Variants in OAS1 observed in about 807,000 individuals in gnomAD.
The protein encoded by OAS1 is 2'-5'-oligoadenylate synthetase 1.
Under a neutral mutation model 38.5 loss-of-function variants are expected in OAS1, and 24 were observed. The observed-to-expected ratio is 0.62, with a 90% CI of 0.45 to 0.88. OAS1 has a LOEUF of 0.88. OAS1 is among the 40% of genes least tolerant of loss of function. The pLI is 0.00. For synonymous variants in OAS1, 169 were observed against 193.9 expected, an observed-to-expected ratio of 0.87 and a Z score of 1.07; for missense variants, 482 against 493.9, an observed-to-expected ratio of 0.98 and a Z score of 0.23.
chr12:112,920,261 A>G (rs1164296069), downstream of OAS1, among the ~76,000 whole-genome samples: 4 of 152,248 alleles, frequency 2.6e-5, no homozygotes, highest in Non-Finnish European at 4.4e-5. Flanking sequence ...GAAAAATTAT[A>G]GAACCTCCCT....
intron 4 of OAS1, 57 bp from the exon 5 acceptor site, chr12:112,917,490 A>AT: frequency 6.2e-7 from 1 of 1,603,508 alleles, no homozygotes; most frequent in African/African-American, 1.3e-5. Flanking sequence ...GAGCATCTGG[A>AT]CTCCCTAGAC....
In OAS1 at chr12:112,916,714, T is replaced by G. The variant is rs1275905700; in HGVS notation, c.860T>G (p.Leu287Arg). Residue 287 changes from leucine (L) to arginine (R), a missense_variant, in exon 4 of 6, where the codon CTG becomes CGG. Physicochemically the swap from Leu to Arg is moderately radical, Grantham distance 102. Transcript: ENST00000202917. ...AAAAACCCCATTATTGAAAAGTACC[T>G]GAGAAGGCAGCTCACGAAACCCAGG... ...DFKNPIIEKY[L>R]RRQLTKPRPV... is the part of the protein sequence containing the mutation. The G allele has an allele frequency of 6.2e-7, 1 of 1,614,024 alleles. No homozygotes were observed. Among genetic ancestry groups the G allele is most frequent in the African/African-American group, 1.3e-5 (1 of 75,022 alleles).
Position 112,911,196 on chromosome 12 carries a change from C to G in OAS1, c.615C>G (p.Leu205=), listed in dbSNP as rs2136303115. The G allele has an allele frequency of 6.2e-7, 1 of 1,613,658 alleles. No individual in the cohort carries two copies. ...TCCTGAAGCAGCGCCCCACCAAGCT[C>G]AAGAGCCTCATCCGCCTAGTCAAGC... The part of the protein sequence containing the change: ...RDFLKQRPTK[L]KSLIRLVKHW... The change falls in exon 3 of 6, where the codon CTC becomes CTG. Residue 205 remains leucine (L), a synonymous_variant. Transcript: ENST00000202917.
At chr12:112,926,305 T>C (rs2043557605) in intron 6 of OAS1, among the ~76,000 whole-genome samples, 1 of 152,060 alleles carries the variant, frequency 6.6e-6, no homozygotes, top group Non-Finnish European at 1.5e-5. Context: ...TTTATGTTAA[T>C]AAAAAAATGC....
At chr12:112,929,605 A>G (rs1413578021) in intron 6 of OAS1, among the ~76,000 whole-genome samples, 1 of 152,212 alleles carries the variant, frequency 6.6e-6, no homozygotes, top group Non-Finnish European at 1.5e-5. Flanking sequence ...ATGTTAACCC[A>G]TTTAATCCTC....
chr12:112,928,336 A>G (rs2043573338), intron 6 of OAS1, among the ~76,000 whole-genome samples: 1 of 152,252 alleles, frequency 6.6e-6, no homozygotes, highest in African/African-American at 2.4e-5. Flanking sequence ...GGGAAGCAGC[A>G]GAATCATTCC....
chr12:112,914,400 C>T (rs1392866601), intron 3 of OAS1, among the ~76,000 whole-genome samples: 1 of 152,194 alleles, frequency 6.6e-6, no homozygotes, highest in Non-Finnish European at 1.5e-5. Flanking sequence ...CTGTTATAAA[C>T]ATGTGTGTGC....
intron 6 of OAS1, among the ~76,000 whole-genome samples, chr12:112,925,866 C>A (rs954351372): frequency 6.6e-6 from 1 of 152,096 alleles, no homozygotes; most frequent in Non-Finnish European, 1.5e-5. Flanking sequence ...ACTGAAGGAG[C>A]TAATGGATGA....
intron 3 of OAS1, among the ~76,000 whole-genome samples, chr12:112,913,002 C>A (rs990870044): frequency 2.0e-5 from 3 of 152,234 alleles, no homozygotes; most frequent in African/African-American, 7.2e-5. Flanking sequence ...TCTTACACCT[C>A]TAACATTCCA....
chr12:112,920,832 A>G (rs1445540999), downstream of OAS1, among the ~76,000 whole-genome samples: 1 of 152,054 alleles, frequency 6.6e-6, no homozygotes, highest in Non-Finnish European at 1.5e-5. Context: ...TCCCTGTGAG[A>G]TGGGTTTTGT....
Position 112,919,645 on chromosome 12 carries a change from C to G in OAS1, c.*92C>G, listed in dbSNP as rs771346955. The G allele has an allele frequency of 9.4e-6, 15 of 1,602,294 alleles. No individual in the cohort carries two copies. Among genetic ancestry groups the G allele is most frequent in the Non-Finnish European group, 1.2e-5 (14 of 1,174,132 alleles). On this transcript the variant is annotated 3_prime_UTR_variant, in exon 6 of 6. Transcript: ENST00000202917. ...GACTCTTGATCCAGAGAGGACAAAG[C>G]TCCTCAGTGAGCTGGTGTATAATCC... is the stretch of plus-strand genomic sequence containing the variant.
At chr12:112,924,873 C>T (rs2043549346), downstream of OAS1, among the ~76,000 whole-genome samples, 1 of 152,092 alleles carries the variant, frequency 6.6e-6, no homozygotes, top group African/African-American at 2.4e-5. Flanking sequence ...GCACAGGCTA[C>T]AGAAAGCTCT....
At chr12:112,913,316 G>A (rs2043411742) in intron 3 of OAS1, among the ~76,000 whole-genome samples, 1 of 152,188 alleles carries the variant, frequency 6.6e-6, no homozygotes, top group Admixed American at 6.5e-5. Context: ...GCTTCAATCT[G>A]CTGTGTCTTA....
chr12:112,911,795 C>T (rs2043387172), intron 3 of OAS1, among the ~76,000 whole-genome samples: 1 of 152,130 alleles, frequency 6.6e-6, no homozygotes, highest in Admixed American at 6.5e-5. Context: ...CATATTTTAG[C>T]CACCATAGGA....
downstream of OAS1, among the ~76,000 whole-genome samples, chr12:112,921,977 A>G (rs2043532435): frequency 6.6e-6 from 1 of 152,190 alleles, no homozygotes; most frequent in Non-Finnish European, 1.5e-5. Context: ...GTCGGTCCAT[A>G]GACACAGTGG....
rs369015098 is a variant in OAS1 at position 112,918,517 on chromosome 12, T to G, written c.1038+817T>G. On this transcript the variant is annotated intron_variant, in intron 5 of 5. Coordinates refer to ENST00000202917, the MANE Select transcript of OAS1 (RefSeq NM_016816.4). ...TTGGGTAGATACCGAGTAGTGGGAT[T>G]GCTGGGTTGAATGGACATTCTACTT... is the stretch of plus-strand genomic sequence containing the variant. 1.5e-4 allele frequency: 55 copies of G among 374,880 alleles called. 1 individual carries two copies. The highest frequency in any genetic ancestry group is 7.3e-4 in the South Asian group (37 of 50,972). 23.2% of individuals were successfully genotyped at this position (374,880 alleles called of 1,614,324 possible). A position where few individuals can be genotyped will look rare whatever the true frequency, so the allele number is the denominator to read the frequency against.
At chr12:112,923,230 C>A (rs118178038), downstream of OAS1, among the ~76,000 whole-genome samples, 220 of 152,248 alleles carry the variant, frequency 1.4e-3, 2 homozygotes, top group East Asian at 0.038. Context: ...GATTTCAATT[C>A]TTTTGGATAC....
At chr12:112,916,415 A>C in intron 3 of OAS1, 94 bp from the exon 4 acceptor site, 1 of 875,340 alleles carries the variant, frequency 1.1e-6, no homozygotes, top group Non-Finnish European at 1.8e-6. Flanking sequence ...ACTTTATAAA[A>C]ACAGGTGGCA....
intron 3 of OAS1, among the ~76,000 whole-genome samples, chr12:112,914,013 G>A (rs975557433): frequency 5.9e-5 from 9 of 151,960 alleles, no homozygotes; most frequent in Non-Finnish European, 8.8e-5. Context: ...AAGTTCTTTA[G>A]TGGTGATTTT....
Sources: gnomAD v4.1 joint callset for allele counts (sites outside exome capture counted in the v4.1 genomes callset) on GRCh38, gnomAD v4.1.1 for gene constraint, MANE v1.5 for transcripts, NCBI Gene and HGNC (gene_info 2026-07-23, HGNC 2026-07-21) for gene names.